Variants in KIAA1217 observed in about 807,000 individuals in gnomAD.
KIAA1217 encodes the protein sickle tail protein homolog.
KIAA1217 carries 88 observed loss-of-function variants against 163.9 expected under a neutral mutation model. The observed-to-expected ratio is 0.54, with a 90% CI of 0.45 to 0.64. The LOEUF (loss-of-function observed/expected upper bound fraction) is 0.64. Ranked by LOEUF, KIAA1217 falls within the 30% of genes least tolerant of loss-of-function variation. The pLI, the probability that KIAA1217 is intolerant of heterozygous loss-of-function variation, is 0.00. For missense variants in KIAA1217, 2,372 were observed against 2,475.0 expected (o/e 0.96, Z 0.88); for synonymous variants, 903 against 923.1 (o/e 0.98, Z 0.39).
rs1254177362 is a variant in KIAA1217 at position 23,695,741 on chromosome 10, G to A, written c.-321+507G>A. 6.6e-6 allele frequency among the ~76,000 whole-genome samples: 1 copy of A among 152,196 alleles called. No homozygotes were observed. The highest frequency in any genetic ancestry group is 2.4e-5 in the African/African-American group (1 of 41,462). On this transcript the variant is annotated intron_variant, in intron 1 of 18. Coordinates refer to the KIAA1217 transcript ENST00000376462. The surrounding 1 kb of genome is among the most constrained non-coding windows in gnomAD (Gnocchi z 4.9). ...GAGGGTGGGGACACTGGGGAGTTTG[G>A]AGCTGGGGGTTCGGAGTGGGAGGTT...
intron 2 of KIAA1217, among the ~76,000 whole-genome samples, chr10:24,282,273 C>T (rs1019505407): frequency 5.3e-5 from 8 of 151,802 alleles, no homozygotes; most frequent in African/African-American, 1.2e-4. Flanking sequence ...GCTTTCATCA[C>T]GAGGCTGAGG....
chr10:23,915,535 C>T (rs958444221), intron 1 of KIAA1217, among the ~76,000 whole-genome samples: 1 of 152,118 alleles, frequency 6.6e-6, no homozygotes, highest in Non-Finnish European at 1.5e-5. Flanking sequence ...AACATTGTTT[C>T]CTTAATTTGG....
At chr10:24,520,651 A>AAAAAAAATATAT (rs1554926857) in intron 11 of KIAA1217, among the ~76,000 whole-genome samples, 2 of 39,676 alleles carry the variant, frequency 5.0e-5, no homozygotes, top group African/African-American at 1.8e-4. Context: ...AAAAAAAAAA[A>AAAAAAAATATAT]ATATATATAT....
intron 1 of KIAA1217, among the ~76,000 whole-genome samples, chr10:23,701,588 T>C (rs569854498): frequency 2.0e-5 from 3 of 152,222 alleles, no homozygotes; most frequent in Non-Finnish European, 4.4e-5. Context: ...GTCGTATCAA[T>C]TAACCAATGA....
intron 9 of KIAA1217, 79 bp from the exon 10 acceptor site, chr10:24,513,180 T>C (rs1356901866): frequency 3.6e-6 from 5 of 1,378,896 alleles, no homozygotes; most frequent in Non-Finnish European, 4.0e-6. Context: ...CCCAAAGTGC[T>C]CCGAAGACTT....
chr10:24,190,996 C>T (rs1323909697), intron 2 of KIAA1217, among the ~76,000 whole-genome samples: 2 of 151,950 alleles, frequency 1.3e-5, no homozygotes, highest in Non-Finnish European at 2.9e-5. Flanking sequence ...GAGTTCAAGA[C>T]CAGCCTGGCC....
intron 2 of KIAA1217, among the ~76,000 whole-genome samples, chr10:24,071,043 G>A (rs1482777063): frequency 2.0e-5 from 3 of 152,058 alleles, no homozygotes; most frequent in Admixed American, 1.3e-4. Flanking sequence ...CTCTATCTGT[G>A]AGCATACCTA....
intron 1 of KIAA1217, among the ~76,000 whole-genome samples, chr10:23,758,626 TTCTCTCTCTC>T (rs573288653): frequency 8.6e-6 from 1 of 116,920 alleles, no homozygotes; most frequent in Admixed American, 9.0e-5. Context: ...CTTTCTTACT[TTCTCTCTCTC>T]TCTCTCTCTC....
intron 1 of KIAA1217, among the ~76,000 whole-genome samples, chr10:23,932,223 A>C (rs750892793): frequency 3.9e-5 from 6 of 152,138 alleles, no homozygotes; most frequent in Non-Finnish European, 5.9e-5. Flanking sequence ...TTTGGTGGAG[A>C]AAGGGGTTGA....
At chr10:24,501,653 G>A in intron 9 of KIAA1217, 108 bp downstream of exon 9, 1 of 871,828 alleles carries the variant, frequency 1.1e-6, no homozygotes, top group Non-Finnish European at 1.7e-6. Context: ...CATAGAAACA[G>A]CATGGCTTCC....
At chr10:24,119,550 G>A (rs1040455823) in intron 2 of KIAA1217, among the ~76,000 whole-genome samples, 1 of 152,180 alleles carries the variant, frequency 6.6e-6, no homozygotes, top group African/African-American at 2.4e-5. Context: ...CTACAGCTGT[G>A]TGTGTCTTGA....
chr10:24,318,372 G>A (rs543931196), intron 2 of KIAA1217, among the ~76,000 whole-genome samples: 5 of 152,244 alleles, frequency 3.3e-5, no homozygotes, highest in Non-Finnish European at 5.9e-5. Context: ...GGCCACAAGA[G>A]AAAACAGACT....
chr10:24,011,884 C>T (rs973324969), intron 2 of KIAA1217, among the ~76,000 whole-genome samples: 2 of 151,972 alleles, frequency 1.3e-5, no homozygotes, highest in African/African-American at 4.8e-5. Flanking sequence ...AGGCTTTTTC[C>T]AAACCAGCAT....
chr10:23,746,692 G>A (rs1839436432), intron 1 of KIAA1217, among the ~76,000 whole-genome samples: 1 of 152,048 alleles, frequency 6.6e-6, no homozygotes, highest in Non-Finnish European at 1.5e-5. Flanking sequence ...CAAAGTGCTG[G>A]GATTACAGGT....
intron 5 of KIAA1217, chr10:24,466,397 C>T (rs2062949010): frequency 3.4e-6 from 1 of 289,930 alleles, no homozygotes; most frequent in Non-Finnish European, 5.1e-6. Flanking sequence ...TTGGTGTTTT[C>T]CCTGTAAGCA....
chr10:24,012,306 C>T (rs1297118736), intron 2 of KIAA1217, among the ~76,000 whole-genome samples: 1 of 152,116 alleles, frequency 6.6e-6, no homozygotes, highest in South Asian at 2.1e-4. Flanking sequence ...AACCTAGGGT[C>T]TTGGCTCCAC....
intron 3 of KIAA1217, among the ~76,000 whole-genome samples, chr10:24,394,965 T>A (rs1173058342): frequency 6.6e-6 from 1 of 152,152 alleles, no homozygotes; most frequent in Non-Finnish European, 1.5e-5. Context: ...GAGTTTCTGA[T>A]TCAGTAGGTC....
intron 1 of KIAA1217, among the ~76,000 whole-genome samples, chr10:23,897,475 A>T (rs1418708418): frequency 2.6e-5 from 4 of 151,878 alleles, no homozygotes; most frequent in Non-Finnish European, 5.9e-5. Flanking sequence ...GAAACAATGG[A>T]CTTTGAGCTT....
chr10:24,466,974 T>C (rs2063019177), intron 5 of KIAA1217, among the ~76,000 whole-genome samples: 1 of 152,048 alleles, frequency 6.6e-6, no homozygotes, highest in South Asian at 2.1e-4. Context: ...TATATATATA[T>C]ATAAATGCTC....
Sources: allele counts gnomAD v4.1 joint callset (sites outside exome capture counted in the v4.1 genomes callset), GRCh38; gene constraint gnomAD v4.1.1; non-coding constraint Gnocchi (gnomAD v3.1); transcripts MANE v1.5; gene names NCBI Gene and HGNC (gene_info 2026-07-23, HGNC 2026-07-21).